GNAZ: variants seen among roughly 807,000 people sequenced by gnomAD.
The protein encoded by GNAZ is guanine nucleotide-binding protein G(z) subunit alpha.
A neutral mutation model predicts 25.4 loss-of-function variants in GNAZ; 3 were observed. The ratio of observed to expected loss-of-function variants is 0.12; its 90% CI spans 0.05 to 0.30. The LOEUF (loss-of-function observed/expected upper bound fraction) is 0.30. Ranked by LOEUF, GNAZ falls within the 10% of genes least tolerant of loss-of-function variation. The pLI is 1.00. For synonymous variants in GNAZ, 211 were observed against 205.7 expected, an observed-to-expected ratio of 1.03 and a Z score of -0.22; for missense variants, 241 against 501.8, an observed-to-expected ratio of 0.48 and a Z score of 4.97.
At chr22:23,116,291 G>A (rs556614920) in intron 2 of GNAZ, among the ~76,000 whole-genome samples, 1 of 152,378 alleles carries the variant, frequency 6.6e-6, no homozygotes, top group African/African-American at 2.4e-5. Context: ...GTGGAGCTGC[G>A]GGTGCAGAGG....
At chr22:23,080,499 G>A (rs956272927) in intron 1 of GNAZ, among the ~76,000 whole-genome samples, 2 of 152,202 alleles carry the variant, frequency 1.3e-5, no homozygotes, top group Admixed American at 6.5e-5. Flanking sequence ...CCATCTGCTC[G>A]GACTATGGCT....
chr22:23,084,157 CG>C, intron 1 of GNAZ, among the ~76,000 whole-genome samples: 1 of 152,242 alleles, frequency 6.6e-6, no homozygotes, highest in Non-Finnish European at 1.5e-5. Context: ...TTATCTTCCC[CG>C]GAAGATGTGG....
intron 2 of GNAZ, among the ~76,000 whole-genome samples, chr22:23,111,357 G>A (rs1433282800): frequency 6.6e-6 from 1 of 152,236 alleles, no homozygotes; most frequent in Non-Finnish European, 1.5e-5. Flanking sequence ...AGGGGAGAGA[G>A]GCAAGCGCAC....
rs373260732 is a variant in GNAZ, at chr22:23,090,373, A to G, written c.-449-4874A>G. On this transcript the variant is annotated intron_variant, in intron 1 of 2. Coordinates refer to ENST00000615612, the MANE Select transcript of GNAZ (RefSeq NM_002073.4). ...CATCTTGCAGAGCCTCACTGCATCC[A>G]CTTCCCCCAGCCCTCACCTGTGTTG... 5.3e-5 allele frequency among the ~76,000 whole-genome samples: 8 copies of G among 151,938 alleles called. No individual in the cohort carries two copies. The South Asian group carries it at 1.2e-3, about 24-fold the overall frequency.
chr22:23,071,135 G>A lies in GNAZ; in HGVS notation c.-450+565G>A, dbSNP rs1346117547. On this transcript the variant is annotated intron_variant, in intron 1 of 2. Transcript: ENST00000615612. This position sits in a 1 kb window ranked among gnomAD's most constrained non-coding sequence, Gnocchi z 4.1. ...CGAGCAGGTTCCTCACAGGCATTTA[G>A]AGGAAGAGATGAGTATCGACCTGCT... Among the ~76,000 whole-genome samples the A allele has an allele frequency of 6.6e-6, 1 of 152,226 alleles. No homozygotes were observed. Among genetic ancestry groups the A allele is most frequent in the East Asian group, 1.9e-4 (1 of 5,186 alleles).
intron 2 of GNAZ, among the ~76,000 whole-genome samples, chr22:23,098,851 G>A (rs545001979): frequency 7.2e-4 from 110 of 152,388 alleles, no homozygotes; most frequent in African/African-American, 2.4e-3. Context: ...AGGACAGCCC[G>A]TCTCCAGCCG....
intron 2 of GNAZ, among the ~76,000 whole-genome samples, chr22:23,121,599 G>T (rs1203236207): frequency 6.6e-6 from 1 of 152,202 alleles, no homozygotes; most frequent in Admixed American, 6.5e-5. Flanking sequence ...GTGGTTACCA[G>T]CGTCATTGTC....
intron 1 of GNAZ, among the ~76,000 whole-genome samples, chr22:23,091,250 CCAGA>C (rs1381358861): frequency 2.6e-5 from 4 of 152,190 alleles, no homozygotes; most frequent in Middle Eastern, 3.2e-3. Flanking sequence ...ATACAAGCAA[CCAGA>C]CACAGACACA....
chr22:23,101,448 G>C, intron 2 of GNAZ, among the ~76,000 whole-genome samples: 1 of 152,182 alleles, frequency 6.6e-6, no homozygotes, highest in East Asian at 1.9e-4. Flanking sequence ...AGTGACACCT[G>C]GGCTTGGGAG....
At position 23,071,807 on chromosome 22, in the gene GNAZ, C is replaced by T. The variant is rs951630002; in HGVS notation, c.-450+1237C>T. 2.6e-5 allele frequency among the ~76,000 whole-genome samples: 4 copies of T among 152,166 alleles called. No homozygotes were observed. The highest frequency in any genetic ancestry group is 9.7e-5 in the African/African-American group (4 of 41,438). On this transcript the variant is annotated intron_variant, in intron 1 of 2. Transcript: ENST00000615612. The surrounding 1 kb of genome is among the most constrained non-coding windows in gnomAD (Gnocchi z 4.1). The stretch of plus-strand genomic sequence containing the variant: ...TGAACTGGAGCTTGAAGGACATGGG[C>T]ACAGCTAAGCTGGGCATTGTGGGCA...
chr22:23,079,565 G>A lies in GNAZ; in HGVS notation c.-450+8995G>A, dbSNP rs150505876. Among the ~76,000 whole-genome samples the A allele has an allele frequency of 9.0e-3, 1,373 of 152,268 alleles. 58 individuals are homozygous for A. Among genetic ancestry groups the A allele is most frequent in the Admixed American group, 0.079 (1,216 of 15,298 alleles). On this transcript the variant is annotated intron_variant, in intron 1 of 2. Transcript: ENST00000615612. ...GGTCTGCCCATGTCAAGCAAGCGTC[G>A]GGAGCAAACATGAGAAGGTTTCAAG...
Position 23,071,665 on chromosome 22 carries a change from G to C in GNAZ, c.-450+1095G>C, listed in dbSNP as rs1291099947. 6.6e-6 allele frequency among the ~76,000 whole-genome samples: 1 copy of C among 152,208 alleles called. No homozygotes were observed. Among genetic ancestry groups the C allele is most frequent in the South Asian group, 2.1e-4 (1 of 4,832 alleles). ...CAGGACTGATTGACCACCGCATAGG[G>C]GAAAACGTCTCTACTCGACCAACCC... On this transcript the variant is annotated intron_variant, in intron 1 of 2. Transcript: ENST00000615612. The surrounding 1 kb of genome is among the most constrained non-coding windows in gnomAD (Gnocchi z 4.1).
At chr22:23,115,752 G>C (rs2069813342) in intron 2 of GNAZ, among the ~76,000 whole-genome samples, 1 of 152,236 alleles carries the variant, frequency 6.6e-6, no homozygotes, top group African/African-American at 2.4e-5. Context: ...GAGCCATTTT[G>C]ACTGGGTCTT....
intron 2 of GNAZ, among the ~76,000 whole-genome samples, chr22:23,116,062 C>T (rs974384071): frequency 1.3e-5 from 2 of 152,238 alleles, no homozygotes; most frequent in African/African-American, 4.8e-5. Context: ...AACAGTCAAA[C>T]AGGTGCCAGC....
At chr22:23,074,811 G>C (rs2146251286) in intron 1 of GNAZ, among the ~76,000 whole-genome samples, 1 of 152,246 alleles carries the variant, frequency 6.6e-6, no homozygotes, top group East Asian at 1.9e-4. Flanking sequence ...AAGCAGGCAG[G>C]GCATGCCCAG....
chr22:23,090,268 C>A (rs940456744), intron 1 of GNAZ, among the ~76,000 whole-genome samples: 2 of 152,106 alleles, frequency 1.3e-5, no homozygotes, highest in African/African-American at 4.8e-5. Flanking sequence ...ACTGGCTGGT[C>A]CCTGGAGTTC....
At chr22:23,115,594 C>T (rs1892410112) in intron 2 of GNAZ, among the ~76,000 whole-genome samples, 1 of 152,044 alleles carries the variant, frequency 6.6e-6, no homozygotes, top group Non-Finnish European at 1.5e-5. Context: ...GTGGGGTGAC[C>T]CTGCAGGGTG....
chr22:23,106,109 C>G (rs2069465878), intron 2 of GNAZ, among the ~76,000 whole-genome samples: 1 of 152,218 alleles, frequency 6.6e-6, no homozygotes, highest in African/African-American at 2.4e-5. Context: ...TCACGTGACT[C>G]CCGCCACATA....
chr22:23,110,419 C>G (rs1425115981), intron 2 of GNAZ, among the ~76,000 whole-genome samples: 1 of 152,216 alleles, frequency 6.6e-6, no homozygotes, highest in Non-Finnish European at 1.5e-5. Context: ...CCAGGAGGCC[C>G]ACCCCACCCA....
Sources: allele counts gnomAD v4.1 joint callset (sites outside exome capture counted in the v4.1 genomes callset), GRCh38; gene constraint gnomAD v4.1.1; non-coding constraint Gnocchi (gnomAD v3.1); transcripts MANE v1.5; gene names NCBI Gene and HGNC (gene_info 2026-07-23, HGNC 2026-07-21).